ZNF90: variants seen among roughly 807,000 people sequenced by gnomAD.
ZNF90 encodes the protein zinc finger protein HTF9.
Under a neutral mutation model 12.0 loss-of-function variants are expected in ZNF90, and 11 were observed. That is an observed-to-expected ratio of 0.92 (90% CI 0.58 to 1.52). The LOEUF (loss-of-function observed/expected upper bound fraction) is 1.52. ZNF90 is among the 40% of genes most tolerant of loss of function. The probability of loss-of-function intolerance (pLI) is 0.00; values close to 1 mark genes in which losing one functional copy is unlikely to be tolerated. For synonymous variants in ZNF90, 232 were observed against 240.1 expected, an observed-to-expected ratio of 0.97 and a Z score of 0.31; for missense variants, 765 against 711.5, an observed-to-expected ratio of 1.08 and a Z score of -0.86.
chr19:20,107,690 T>C (rs1177545115), intron 3 of ZNF90, among the ~76,000 whole-genome samples: 1 of 152,204 alleles, frequency 6.6e-6, no homozygotes, highest in Non-Finnish European at 1.5e-5. Context: ...AATTTAACTC[T>C]TTCCTTCTTA....
intron 3 of ZNF90, among the ~76,000 whole-genome samples, chr19:20,115,967 A>G (rs1555705631): frequency 6.6e-6 from 1 of 152,054 alleles, no homozygotes; most frequent in African/African-American, 2.4e-5. Flanking sequence ...TCTGCCTCCT[A>G]GGTTCAAGCG....
rs1343187205 is a variant in ZNF90, at chr19:20,118,750, G to T, written c.1196G>T (p.Cys399Phe). ...ISHSEKKPYKCEECGKAFKRS... is the reference protein window; with the variant it reads ...ISHSEKKPYKFEECGKAFKRS... ...CATAGTGAAAAGAAACCCTACAAATGTGAAGAATGTGGCAAAGCCTTCAAG... is the reference window on the plus strand; with the variant it reads ...CATAGTGAAAAGAAACCCTACAAATTTGAAGAATGTGGCAAAGCCTTCAAG... Residue 399 changes from cysteine to phenylalanine, a missense_variant, in exon 4 of 4, where the codon TGT becomes TTT. Physicochemically the swap from Cys to Phe is radical, Grantham distance 205. Coordinates refer to ENST00000418063, the MANE Select transcript of ZNF90 (RefSeq NM_007138.2). The T allele has an allele frequency of 6.2e-6, 10 of 1,608,686 alleles. No homozygotes were observed. The Admixed American group carries it at 1.5e-4, about 25-fold the overall frequency.
chr19:20,095,615 CT>C (rs1329347092), intron 1 of ZNF90, among the ~76,000 whole-genome samples: 1 of 150,924 alleles, frequency 6.6e-6, no homozygotes, highest in African/African-American at 2.4e-5. Flanking sequence ...AGAGGTTGGG[CT>C]GCAGAAATAA....
chr19:20,112,354 C>T (rs936318002), intron 3 of ZNF90, among the ~76,000 whole-genome samples: 5 of 150,866 alleles, frequency 3.3e-5, no homozygotes, highest in Admixed American at 6.6e-5. Flanking sequence ...TGGAGTCTTT[C>T]TCTGGCACCC....
chr19:20,119,308 G>T lies in ZNF90; in HGVS notation c.1754G>T (p.Arg585Met). 1 of 1,609,590 alleles carries T rather than the reference G, an allele frequency of 6.2e-7. No homozygotes were observed. Among genetic ancestry groups the T allele is most frequent in the Non-Finnish European group, 8.5e-7 (1 of 1,177,778 alleles). ...NLSSDLNTHK[R>M]IHIGQKAYIV... is the part of the protein sequence containing the mutation. ...TCCTCAGACCTTAATACACATAAGAGGATTCATATTGGACAGAAAGCCTAC... is the reference window on the plus strand; with the variant it reads ...TCCTCAGACCTTAATACACATAAGATGATTCATATTGGACAGAAAGCCTAC... The change falls in exon 4 of 4, where the codon AGG becomes ATG. Residue 585 changes from arginine (R) to methionine (M), a missense_variant. Physicochemically the swap from Arg to Met is moderately conservative, Grantham distance 91. Coordinates refer to ENST00000418063, the MANE Select transcript of ZNF90 (RefSeq NM_007138.2).
intron 1 of ZNF90, among the ~76,000 whole-genome samples, chr19:20,092,101 C>A (rs1259976843): frequency 6.6e-6 from 1 of 151,908 alleles, no homozygotes. Flanking sequence ...GTGTGGTATC[C>A]GGAATAATGT....
chr19:20,086,841 G>A (rs1403478798), intron 1 of ZNF90, among the ~76,000 whole-genome samples: 1 of 152,144 alleles, frequency 6.6e-6, no homozygotes, highest in Non-Finnish European at 1.5e-5. Context: ...GGATTATTAT[G>A]AGTAAACACA....
At chr19:20,115,862 A>T (rs1437140112) in intron 3 of ZNF90, among the ~76,000 whole-genome samples, 1 of 151,756 alleles carries the variant, frequency 6.6e-6, no homozygotes, top group African/African-American at 2.4e-5. Context: ...ACTGTATATT[A>T]TTATGTTTTA....
chr19:20,087,197 ATTTCT>A (rs2088866151), intron 1 of ZNF90: 1 of 152,128 alleles, frequency 6.6e-6, no homozygotes, highest in African/African-American at 2.4e-5. Context: ...TTAGAGAGAG[ATTTCT>A]TTTAGGGGAA....
rs146505526 is a variant in ZNF90, at chr19:20,088,150, T to C, written c.3+10015T>C. 4.0e-3 allele frequency among the ~76,000 whole-genome samples: 611 copies of C among 152,042 alleles called. 5 individuals are homozygous for C. The highest frequency in any genetic ancestry group is 0.014 in the African/African-American group (584 of 41,466). ...GAGGCCTGACATTCCTGCCTTCTTA[T>C]ATTAATAAGAAAAATAAAACAAAAT... On this transcript the variant is annotated intron_variant, in intron 1 of 3. Coordinates refer to ENST00000418063, the MANE Select transcript of ZNF90 (RefSeq NM_007138.2).
chr19:20,113,847 A>C (rs556350581), intron 3 of ZNF90, among the ~76,000 whole-genome samples: 1 of 152,112 alleles, frequency 6.6e-6, no homozygotes, highest in South Asian at 2.1e-4. Context: ...CCTAATTTCA[A>C]CATCAATTTC....
intron 3 of ZNF90, among the ~76,000 whole-genome samples, chr19:20,107,632 C>G (rs927631417): frequency 6.6e-6 from 1 of 152,144 alleles, no homozygotes; most frequent in Non-Finnish European, 1.5e-5. Context: ...GCATTTTTGT[C>G]AGGGATGGCT....
intron 1 of ZNF90, among the ~76,000 whole-genome samples, chr19:20,091,227 G>A (rs1475934355): frequency 1.3e-5 from 2 of 152,104 alleles, no homozygotes; most frequent in Non-Finnish European, 2.9e-5. Flanking sequence ...GCAAATCCCC[G>A]AGCTTGATGT....
In ZNF90 at chr19:20,109,447, A is replaced by G. The variant is rs568035719; in HGVS notation, c.226+4131A>G. ...TAATATATATTTTTCCTTTTGTGAG[A>G]GAAACACTTTTGTGATCTGAAGGTA... On this transcript the variant is annotated intron_variant, in intron 3 of 3. Coordinates refer to ENST00000418063, the MANE Select transcript of ZNF90 (RefSeq NM_007138.2). Among the ~76,000 whole-genome samples, 9 of 152,304 alleles carry G rather than the reference A, an allele frequency of 5.9e-5. No individual in the cohort carries two copies. The South Asian group carries it at 1.7e-3, about 28-fold the overall frequency.
rs200678868 is a variant in ZNF90, at chr19:20,081,769, C to CT, written c.3+3647dup. Among the ~76,000 whole-genome samples, 463 of 139,348 alleles carry CT rather than the reference C, an allele frequency of 3.3e-3. 5 individuals carry two copies. Among genetic ancestry groups the CT allele is most frequent in the South Asian group, 0.02 (93 of 4,570 alleles). The allele number at this position is 139,348 out of a possible 152,430, so 91.4% of individuals were successfully genotyped here. On this transcript the variant is annotated intron_variant, in intron 1 of 3. Coordinates refer to ENST00000418063, the MANE Select transcript of ZNF90 (RefSeq NM_007138.2). ...TGTTTTTTTTCTTTCTTTCTTTCTTCTTTTTTTTTTTTTGAGATGGCGTCT... is the reference window on the plus strand; with the variant it reads ...TGTTTTTTTTCTTTCTTTCTTTCTTCTTTTTTTTTTTTTTGAGATGGCGTCT...
chr19:20,097,147 C>T (rs114001455), intron 1 of ZNF90, among the ~76,000 whole-genome samples: 128 of 152,302 alleles, frequency 8.4e-4, no homozygotes, highest in African/African-American at 2.9e-3. Flanking sequence ...ATGCATGTCA[C>T]ACTTAATTGT....
chr19:20,119,372 AC>A lies in ZNF90; in HGVS notation c.*15del. 6.4e-7 allele frequency: 1 copy of A among 1,555,244 alleles called. No individual in the cohort carries two copies. The highest frequency in any genetic ancestry group is 2.0e-5 in the Admixed American group (1 of 50,918). ...TGGCAAATCTTTGAAATATTCCTCA[AC>A]CCTTAATAAACATAAGATAATTCAT... is the stretch of plus-strand genomic sequence containing the variant. On this transcript the variant is annotated 3_prime_UTR_variant, in exon 4 of 4. Transcript: ENST00000418063.
At chr19:20,089,933 C>G (rs1555702575) in intron 1 of ZNF90, among the ~76,000 whole-genome samples, 1 of 151,940 alleles carries the variant, frequency 6.6e-6, no homozygotes, top group East Asian at 1.9e-4. Context: ...GTGGAGATAG[C>G]TGGGGAGAGG....
At chr19:20,101,901 G>C (rs1555703940) in intron 1 of ZNF90, among the ~76,000 whole-genome samples, 1 of 152,106 alleles carries the variant, frequency 6.6e-6, no homozygotes, top group Non-Finnish European at 1.5e-5. Flanking sequence ...TAATGAGTTT[G>C]GTTGAACTAC....
Sources: allele counts gnomAD v4.1 joint callset (sites outside exome capture counted in the v4.1 genomes callset), GRCh38; gene constraint gnomAD v4.1.1; transcripts MANE v1.5; gene names NCBI Gene and HGNC (gene_info 2026-07-23, HGNC 2026-07-21).